Variants in MTRR observed in about 807,000 individuals in gnomAD.
The protein encoded by MTRR is 5-methyltetrahydrofolate-homocysteine methyltransferase reductase.
A neutral mutation model predicts 79.2 loss-of-function variants in MTRR; 63 were observed. That is an observed-to-expected ratio of 0.80 (90% CI 0.65 to 0.98). The LOEUF is 0.98. MTRR is among the 50% of genes least tolerant of loss of function. MTRR has a pLI of 0.00. For missense variants in MTRR, 895 were observed against 839.6 expected (o/e 1.07, Z -0.82); for synonymous variants, 355 against 313.3 (o/e 1.13, Z -1.41).
intron 1 of MTRR, among the ~76,000 whole-genome samples, chr5:7,856,185 G>A (rs1484467498): frequency 1.3e-5 from 2 of 152,184 alleles, no homozygotes; most frequent in African/African-American, 2.4e-5. Flanking sequence ...AAATTCCCAC[G>A]TCTAGAGCTC....
upstream of MTRR, chr5:7,867,574 G>A (rs750467388): frequency 6.2e-7 from 1 of 1,614,234 alleles, no homozygotes; most frequent in Non-Finnish European, 8.5e-7. Flanking sequence ...ACAGCTGTGA[G>A]GGCTCCTTTT....
chr5:7,876,378 A>G (rs1273853766), intron 4 of MTRR, among the ~76,000 whole-genome samples: 1 of 152,194 alleles, frequency 6.6e-6, no homozygotes, highest in Non-Finnish European at 1.5e-5. Flanking sequence ...TCAGTCTTGT[A>G]TGAGCTGTGT....
rs377179480 is a variant in MTRR at position 7,895,274 on chromosome 5, A to G, written c.1558-460A>G. On this transcript the variant is annotated intron_variant, in intron 11 of 14. Transcript: ENST00000440940. The stretch of plus-strand genomic sequence containing the variant: ...GACCCAGAATAGCAAATACAGCACC[A>G]TTATCTGGAATATTTGGAGCAGCCC... 4.6e-5 allele frequency among the ~76,000 whole-genome samples: 7 copies of G among 152,216 alleles called. No individual in the cohort carries two copies. The East Asian group carries it at 9.6e-4, about 21-fold the overall frequency.
At chr5:7,854,662 C>G (rs11134264) in intron 1 of MTRR, among the ~76,000 whole-genome samples, 132,269 of 152,160 alleles carry the variant, frequency 0.87, 58,617 homozygotes, top group Non-Finnish European at 0.96. Flanking sequence ...GGGGGAACCA[C>G]CCCCATGATT....
chr5:7,873,659 T>C, intron 3 of MTRR, 133 bp downstream of exon 3: 7 of 1,025,002 alleles, frequency 6.8e-6, no homozygotes, highest in Non-Finnish European at 1.0e-5. Flanking sequence ...TATATGTATA[T>C]ATAAATGTAT....
chr5:7,887,791 T>C (rs368560714), intron 8 of MTRR, among the ~76,000 whole-genome samples: 17 of 58,540 alleles, frequency 2.9e-4, no homozygotes, highest in African/African-American at 1.1e-3. Context: ...TGTGTGTGTG[T>C]GCATATATAT....
chr5:7,893,493 G>C (rs186181241), intron 11 of MTRR: 301 of 155,804 alleles, frequency 1.9e-3, no homozygotes, highest in Non-Finnish European at 3.0e-3. Context: ...AAGGTTATGT[G>C]ATTTTCTCAA....
chr5:7,900,533 T>A lies in MTRR; in HGVS notation c.*475T>A, dbSNP rs1302735442. On this transcript the variant is annotated 3_prime_UTR_variant, in exon 15 of 15. Transcript: ENST00000440940. ...TATTAATGTACTTAAATTACACATG[T>A]AGAGCATATCTGTTATATGTTTATG... is the stretch of plus-strand genomic sequence containing the variant. 6.0e-6 allele frequency: 1 copy of A among 166,542 alleles called. No individual in the cohort carries two copies. Among genetic ancestry groups the A allele is most frequent in the African/African-American group, 2.4e-5 (1 of 41,722 alleles). The allele number at this position is 166,542 out of a possible 1,614,324, so 10.3% of individuals were successfully genotyped here. A position where few individuals can be genotyped will look rare whatever the true frequency, so the allele number is the denominator to read the frequency against.
intron 11 of MTRR, chr5:7,893,600 T>G (rs939247801): frequency 6.6e-6 from 1 of 152,318 alleles, no homozygotes; most frequent in Non-Finnish European, 1.5e-5. Context: ...TAGGCAACAG[T>G]TTAAAGTTGT....
upstream of MTRR, chr5:7,851,059 C>T: frequency 8.1e-7 from 1 of 1,235,994 alleles, no homozygotes; most frequent in Non-Finnish European, 1.0e-6. Context: ...GGCCGCGGTC[C>T]GTCCCGCCCG....
At position 7,900,193 on chromosome 5, in the gene MTRR, T is replaced by C; in HGVS notation, c.*135T>C. Reference sequence around the variant, plus strand: ...TTCTTGAAGGACATGGAGTGGAGATTGGATCATTTAACAATATAACAAAAC... The same window carrying C: ...TTCTTGAAGGACATGGAGTGGAGATCGGATCATTTAACAATATAACAAAAC... On this transcript the variant is annotated 3_prime_UTR_variant, in exon 15 of 15. Transcript: ENST00000440940. 1 of 980,868 alleles carries C rather than the reference T, an allele frequency of 1.0e-6. No homozygotes were observed. The allele number at this position is 980,868 out of a possible 1,614,324, so 60.8% of individuals were successfully genotyped here. A position where few individuals can be genotyped will look rare whatever the true frequency, so the allele number is the denominator to read the frequency against.
intron 14 of MTRR, among the ~76,000 whole-genome samples, chr5:7,899,556 G>A (rs1739136219): frequency 6.6e-6 from 1 of 152,210 alleles, no homozygotes; most frequent in South Asian, 2.1e-4. Flanking sequence ...AGTCTACTGT[G>A]TGCTTTGAGA....
chr5:7,899,960 A>G lies in MTRR; in HGVS notation c.1999A>G (p.Ile667Val), dbSNP rs755752404. 30 of 1,614,082 alleles carry G rather than the reference A, an allele frequency of 1.9e-5. No homozygotes were observed. The highest frequency in any genetic ancestry group is 2.5e-5 in the Non-Finnish European group (29 of 1,180,040). Residue 667 changes from isoleucine (I) to valine (V), a missense_variant, in exon 15 of 15, where the codon ATA (isoleucine) becomes GTA (valine). Coordinates refer to ENST00000440940, the MANE Select transcript of MTRR (RefSeq NM_002454.3). ...GGATGTACATGATGCCCTTGTGCAAATAATAAGCAAAGAGGTTGGAGTTGA... is the reference window on the plus strand; with the variant it reads ...GGATGTACATGATGCCCTTGTGCAAGTAATAAGCAAAGAGGTTGGAGTTGA... ...AKDVHDALVQ[I>V]ISKEVGVEKL...
At chr5:7,867,738 G>C (rs138057208), upstream of MTRR, 1 of 1,614,106 alleles carries the variant, frequency 6.2e-7, no homozygotes, top group Non-Finnish European at 8.5e-7. Context: ...ATAAAACTTA[G>C]CACTTCTTCT....
intron 4 of MTRR, among the ~76,000 whole-genome samples, chr5:7,877,441 T>G (rs933925450): frequency 6.7e-6 from 1 of 150,130 alleles, no homozygotes; most frequent in Non-Finnish European, 1.5e-5. Context: ...TAATCCATAG[T>G]GATTTCTTGG....
In MTRR at chr5:7,896,910, T is replaced by C. The variant is rs941318399; in HGVS notation, c.1723T>C (p.Trp575Arg). The C allele has an allele frequency of 6.2e-7, 1 of 1,613,960 alleles. No homozygotes were observed. The highest frequency in any genetic ancestry group is 1.3e-5 in the African/African-American group (1 of 74,892). Residue 575 changes from tryptophan to arginine, a missense_variant, in exon 13 of 15, where the codon TGG (tryptophan) becomes CGG (arginine). Trp to Arg is a moderately radical substitution (Grantham distance 101). Transcript: ENST00000440940. ...QHPDGNFGAM[W>R]LFFGCRHKDR... ...CCCAGATGGAAATTTTGGAGCAATG[T>C]GGTTGTTTTTTGGCTGCAGGCATAA...
intron 1 of MTRR, chr5:7,861,415 T>C: frequency 3.3e-6 from 2 of 605,934 alleles, no homozygotes; most frequent in Non-Finnish European, 5.3e-6. Flanking sequence ...CTTATTAATA[T>C]TAATGTTTAT....
intron 4 of MTRR, among the ~76,000 whole-genome samples, chr5:7,876,172 T>G (rs1264461312): frequency 8.6e-5 from 1 of 11,694 alleles, no homozygotes; most frequent in African/African-American, 4.5e-4. Flanking sequence ...ACTGTATTTC[T>G]GCTGAACTCA....
In MTRR at chr5:7,876,815, G is replaced by A. The variant is rs190825562; in HGVS notation, c.402-1129G>A. 4.5e-3 allele frequency among the ~76,000 whole-genome samples: 691 copies of A among 152,272 alleles called. 7 individuals are homozygous for A. Among genetic ancestry groups the A allele is most frequent in the African/African-American group, 0.016 (656 of 41,526 alleles). Reference sequence around the variant, plus strand: ...AGGAGGGTCAAACGGATTAATACATGTCGTCCTCTTAGAAGAGTGCCTGTC... The same window carrying A: ...AGGAGGGTCAAACGGATTAATACATATCGTCCTCTTAGAAGAGTGCCTGTC... On this transcript the variant is annotated intron_variant, in intron 4 of 14. Coordinates refer to ENST00000440940, the MANE Select transcript of MTRR (RefSeq NM_002454.3).
Sources: gnomAD v4.1 joint callset for allele counts (sites outside exome capture counted in the v4.1 genomes callset) on GRCh38, gnomAD v4.1.1 for gene constraint, MANE v1.5 for transcripts, NCBI Gene and HGNC (gene_info 2026-07-23, HGNC 2026-07-21) for gene names.